The following DEPDC5 variants were observed in gnomAD, a reference collection of about 807,000 sequenced individuals.
The protein encoded by DEPDC5 is DEP domain containing 5, GATOR1 subcomplex subunit.
DEPDC5 carries 73 observed loss-of-function variants against 217.3 expected under a neutral mutation model. That is an observed-to-expected ratio of 0.34 (90% CI 0.28 to 0.41). The LOEUF (loss-of-function observed/expected upper bound fraction) is 0.41. Ranked by LOEUF, DEPDC5 falls within the 10% of genes least tolerant of loss-of-function variation. The pLI is 1.00. For synonymous variants in DEPDC5, 733 were observed against 756.7 expected (o/e 0.97, Z 0.51); for missense variants, 1,675 against 2,070.1 (o/e 0.81, Z 3.70).
At chr22:31,873,517 GT>G (rs911915797) in intron 35 of DEPDC5, among the ~76,000 whole-genome samples, 185 bp downstream of exon 35, 65 of 143,350 alleles carry the variant, frequency 4.5e-4, no homozygotes, top group Admixed American at 4.2e-4. Context: ...ATTGTTTTTT[GT>G]TTTTTTTTTT....
At position 31,805,653 on chromosome 22, in the gene DEPDC5, G is replaced by A. The variant is rs539682649; in HGVS notation, c.1218-469G>A. The stretch of plus-strand genomic sequence containing the variant: ...GTAGTTGGGATTACAGGTGCCTGCC[G>A]CCACGCCCGGCTAATTTTTGTATTT... On this transcript the variant is annotated intron_variant, in intron 17 of 42. Coordinates refer to ENST00000651528, the MANE Select transcript of DEPDC5 (RefSeq NM_001242896.3). 3.1e-4 allele frequency among the ~76,000 whole-genome samples: 47 copies of A among 152,000 alleles called. No individual in the cohort carries two copies. In the East Asian group the frequency reaches 6.2e-3, roughly 20 times the overall value.
At chr22:31,869,566 A>G (rs908825877) in intron 33 of DEPDC5, among the ~76,000 whole-genome samples, 1 of 11,118 alleles carries the variant, frequency 9.0e-5, no homozygotes, top group Non-Finnish European at 1.5e-4. Flanking sequence ...GTCTGTCTTT[A>G]AAAAAAAAAA....
intron 25 of DEPDC5, among the ~76,000 whole-genome samples, chr22:31,835,554 G>C (rs555646784): frequency 2.0e-5 from 3 of 152,298 alleles, no homozygotes; most frequent in Admixed American, 1.3e-4. Context: ...GTAATCCTGA[G>C]GGTCAGAAGG....
At chr22:31,879,463 G>GGTTGATAAA in intron 37 of DEPDC5, 62 bp from the exon 38 acceptor site, 1 of 1,469,432 alleles carries the variant, frequency 6.8e-7, no homozygotes, top group Non-Finnish European at 9.4e-7. Flanking sequence ...GTTGTAGCAT[G>GGTTGATAAA]CATCATGAAG....
intron 15 of DEPDC5, 123 bp from the exon 16 acceptor site, chr22:31,804,039 T>G (rs1209261705): frequency 5.7e-6 from 5 of 873,294 alleles, no homozygotes; most frequent in Non-Finnish European, 7.3e-6. Flanking sequence ...ACTATGAGGT[T>G]ATAAATCATA....
intron 38 of DEPDC5, among the ~76,000 whole-genome samples, chr22:31,890,148 A>C (rs959566083): frequency 1.3e-5 from 2 of 152,166 alleles, no homozygotes; most frequent in African/African-American, 4.8e-5. Flanking sequence ...CCTGATTCTC[A>C]TCCTGTCTCT....
chr22:31,848,519 A>G (rs974556874), intron 31 of DEPDC5, among the ~76,000 whole-genome samples: 1 of 152,144 alleles, frequency 6.6e-6, no homozygotes, highest in South Asian at 2.1e-4. Context: ...TGAGCTGTAC[A>G]TTGGCCCCTT....
chr22:31,836,536 T>C (rs1009307741), intron 25 of DEPDC5, among the ~76,000 whole-genome samples: 1 of 152,242 alleles, frequency 6.6e-6, no homozygotes, highest in African/African-American at 2.4e-5. Flanking sequence ...TGCTACTGTA[T>C]GCTGTTTGCT....
chr22:31,871,289 G>A (rs1013990436), intron 34 of DEPDC5, among the ~76,000 whole-genome samples: 3 of 152,254 alleles, frequency 2.0e-5, no homozygotes, highest in Admixed American at 6.5e-5. Flanking sequence ...TAATTATGCC[G>A]CAGTCTTTTC....
intron 12 of DEPDC5, among the ~76,000 whole-genome samples, chr22:31,795,728 C>T (rs1445811388): frequency 1.3e-5 from 2 of 150,620 alleles, no homozygotes; most frequent in Admixed American, 1.3e-4. Context: ...CATTTTCTTT[C>T]ATTTCCTTTT....
chr22:31,755,420 C>CAGT (rs2075237143), intron 2 of DEPDC5: 1 of 184,818 alleles, frequency 5.4e-6, no homozygotes, highest in Admixed American at 5.4e-5. Context: ...GAGCAGGATA[C>CAGT]AGCATGTTAT....
At chr22:31,843,359 T>G (rs1889866632) in intron 28 of DEPDC5, 147 bp downstream of exon 28, 1 of 885,696 alleles carries the variant, frequency 1.1e-6, no homozygotes. Context: ...CTAGGGTTAT[T>G]TTAGGGTTAT....
intron 32 of DEPDC5, chr22:31,858,645 GTT>G (rs923375565): frequency 4.0e-5 from 6 of 150,586 alleles, no homozygotes; most frequent in Non-Finnish European, 7.4e-5. Context: ...TTTTTCTTTC[GTT>G]TTTTTTCCCC....
At chr22:31,788,455 T>A (rs1466058026) in intron 10 of DEPDC5, among the ~76,000 whole-genome samples, 1 of 151,550 alleles carries the variant, frequency 6.6e-6, no homozygotes, top group African/African-American at 2.4e-5. Flanking sequence ...TTTTTTTTTT[T>A]TTGGTGGAAA....
chr22:31,804,719 C>T (rs1457213438), intron 16 of DEPDC5, 123 bp from the exon 17 acceptor site: 1 of 904,304 alleles, frequency 1.1e-6, no homozygotes, highest in Non-Finnish European at 1.7e-6. Context: ...GGATTACAGG[C>T]ATGACCCACA....
intron 37 of DEPDC5, 30 bp downstream of exon 37, chr22:31,876,295 C>G: frequency 6.3e-7 from 1 of 1,575,602 alleles, no homozygotes; most frequent in Non-Finnish European, 8.7e-7. Flanking sequence ...CGGTTGCCCA[C>G]AGGGGCAAGT....
rs114596051 is a variant in DEPDC5, at chr22:31,854,072, G to A, written c.3156-3373G>A. 7.5e-3 allele frequency among the ~76,000 whole-genome samples: 1,139 copies of A among 152,328 alleles called. 18 individuals are homozygous for A. Among genetic ancestry groups the A allele is most frequent in the African/African-American group, 0.025 (1,037 of 41,566 alleles). On this transcript the variant is annotated intron_variant, in intron 31 of 42. Coordinates refer to ENST00000651528, the MANE Select transcript of DEPDC5 (RefSeq NM_001242896.3). Reference sequence around the variant, plus strand: ...GTGTCACTACCTCCATGGAGGTGTGGCTAGTGACCCCCTCCTGGCTGAACA... The same window carrying A: ...GTGTCACTACCTCCATGGAGGTGTGACTAGTGACCCCCTCCTGGCTGAACA...
At chr22:31,801,533 G>A (rs1176913401) in intron 14 of DEPDC5, among the ~76,000 whole-genome samples, 6 of 152,152 alleles carry the variant, frequency 3.9e-5, no homozygotes, top group African/African-American at 7.2e-5. Flanking sequence ...AACAAAAAGC[G>A]AAATTTACTG....
intron 20 of DEPDC5, 199 bp from the exon 21 acceptor site, chr22:31,814,793 G>A (rs2088871818): frequency 1.7e-6 from 1 of 600,738 alleles, no homozygotes; most frequent in Non-Finnish European, 2.9e-6. Flanking sequence ...CATAATGTCT[G>A]TCATTTCCCC....
Sources: allele counts gnomAD v4.1 joint callset (sites outside exome capture counted in the v4.1 genomes callset), GRCh38; gene constraint gnomAD v4.1.1; transcripts MANE v1.5; gene names NCBI Gene and HGNC (gene_info 2026-07-23, HGNC 2026-07-21).